Variants in SSBP2 observed in about 807,000 individuals in gnomAD.
The protein encoded by SSBP2 is single-stranded DNA-binding protein 2.
In SSBP2, 17 loss-of-function variants were observed where a neutral mutation model predicts 61.8. The observed-to-expected ratio is 0.28, with a 90% CI of 0.19 to 0.41. The LOEUF (loss-of-function observed/expected upper bound fraction) is 0.41. SSBP2 is among the 10% of genes least tolerant of loss of function. The probability of loss-of-function intolerance (pLI) is 1.00; values close to 1 mark genes in which losing one functional copy is unlikely to be tolerated. For missense variants in SSBP2, 310 were observed against 458.7 expected (o/e 0.68, Z 2.96); for synonymous variants, 139 against 141.3 (o/e 0.98, Z 0.12).
At chr5:81,612,609 TATTC>T (rs1485067896) in intron 4 of SSBP2, among the ~76,000 whole-genome samples, 1 of 152,090 alleles carries the variant, frequency 6.6e-6, no homozygotes. Flanking sequence ...TATGTGTCAA[TATTC>T]ATTCAATCTT....
intron 10 of SSBP2, among the ~76,000 whole-genome samples, chr5:81,457,959 G>C (rs1381360620): frequency 6.6e-6 from 1 of 152,044 alleles, no homozygotes; most frequent in Non-Finnish European, 1.5e-5. Context: ...ACTGCACCCG[G>C]CCAAAAACCA....
intron 1 of SSBP2, among the ~76,000 whole-genome samples, chr5:81,656,903 T>C (rs1281071156): frequency 6.6e-6 from 1 of 150,820 alleles, no homozygotes; most frequent in Non-Finnish European, 1.5e-5. Context: ...AGTCATAAGT[T>C]TTTTTTTTAA....
chr5:81,536,185 T>C (rs1770786943), intron 4 of SSBP2, among the ~76,000 whole-genome samples: 1 of 152,142 alleles, frequency 6.6e-6, no homozygotes, highest in Admixed American at 6.6e-5. Flanking sequence ...CGAGATTCCA[T>C]TATATGCATA....
chr5:81,712,571 G>A lies in SSBP2; in HGVS notation c.62+38410C>T, dbSNP rs1367008132. 4.4e-5 allele frequency among the ~76,000 whole-genome samples: 5 copies of A among 113,910 alleles called. 2 individuals are homozygous for A. Among genetic ancestry groups the A allele is most frequent in the East Asian group, 4.7e-4 (2 of 4,280 alleles). 74.7% of individuals were successfully genotyped at this position (113,910 alleles called of 152,430 possible). On this transcript the variant is annotated intron_variant, in intron 1 of 16. Coordinates refer to ENST00000320672, the MANE Select transcript of SSBP2 (RefSeq NM_012446.5). ...AGCCGAGATTGCGCCACTGCAGTCC[G>A]CAGTCCGGCCTGGGCGACAGAGCGA...
chr5:81,615,743 C>T (rs148421867), intron 3 of SSBP2, among the ~76,000 whole-genome samples, 186 bp from the exon 4 acceptor site: 271 of 152,222 alleles, frequency 1.8e-3, no homozygotes, highest in African/African-American at 5.5e-3. Flanking sequence ...ATCTAGCCAT[C>T]TTTCAGAAAT....
intron 4 of SSBP2, among the ~76,000 whole-genome samples, chr5:81,590,456 G>A (rs1045946768): frequency 6.6e-6 from 1 of 152,198 alleles, no homozygotes; most frequent in African/African-American, 2.4e-5. Context: ...TCAAGGACAA[G>A]CAGGACATGA....
chr5:81,693,229 A>G (rs1027285598), intron 1 of SSBP2, among the ~76,000 whole-genome samples: 4 of 151,660 alleles, frequency 2.6e-5, no homozygotes, highest in African/African-American at 9.7e-5. Context: ...AAAAAGAAAG[A>G]AAATATTGAG....
At chr5:81,566,274 T>C (rs1192911889) in intron 4 of SSBP2, among the ~76,000 whole-genome samples, 1 of 152,196 alleles carries the variant, frequency 6.6e-6, no homozygotes, top group African/African-American at 2.4e-5. Context: ...CCAAATCTCA[T>C]GTTGAATTGT....
intron 16 of SSBP2, 43 bp downstream of exon 16, chr5:81,428,542 C>T (rs1561384961): frequency 6.7e-7 from 1 of 1,485,812 alleles, no homozygotes. Context: ...AGAAGAGCTT[C>T]AGAAATAAAA....
intron 5 of SSBP2, among the ~76,000 whole-genome samples, chr5:81,501,788 G>T (rs1038335626): frequency 1.3e-5 from 2 of 151,588 alleles, no homozygotes; most frequent in South Asian, 2.1e-4. Flanking sequence ...GGATGGTCTC[G>T]ATCTGACCTC....
chr5:81,488,045 A>ACAT (rs1766546148), intron 6 of SSBP2, among the ~76,000 whole-genome samples: 1 of 36,446 alleles, frequency 2.7e-5, no homozygotes, highest in Non-Finnish European at 5.0e-5. Context: ...ATATATATAT[A>ACAT]TATATATATA....
At chr5:81,459,029 A>T (rs139798335) in intron 10 of SSBP2, among the ~76,000 whole-genome samples, 1 of 152,264 alleles carries the variant, frequency 6.6e-6, no homozygotes, top group Non-Finnish European at 1.5e-5. Context: ...CATCGAGGAG[A>T]CTGCTTTCAA....
In SSBP2 at chr5:81,615,519, C is replaced by T. The variant is rs1468060971; in HGVS notation, c.236G>A (p.Arg79His). The change falls in exon 4 of 17, where the codon CGT (arginine) becomes CAT (histidine). Residue 79 changes from arginine (R) to histidine (H), a missense_variant. Coordinates refer to ENST00000320672, the MANE Select transcript of SSBP2 (RefSeq NM_012446.5). ...TTCACTTGAGTGTTCACATGTTTCA[C>T]GTCTCTCTGGAGCTGCACAGTAGAG... The T allele has an allele frequency of 4.3e-6, 7 of 1,613,544 alleles. No individual in the cohort carries two copies. The highest frequency in any genetic ancestry group is 5.9e-6 in the Non-Finnish European group (7 of 1,179,792).
chr5:81,692,361 C>CA (rs199568138), intron 1 of SSBP2, among the ~76,000 whole-genome samples: 2 of 151,384 alleles, frequency 1.3e-5, no homozygotes, highest in South Asian at 4.2e-4. Flanking sequence ...AAGAGGACAA[C>CA]AAAAAAAATG....
chr5:81,652,189 G>A (rs921981139), intron 1 of SSBP2, among the ~76,000 whole-genome samples: 2 of 152,092 alleles, frequency 1.3e-5, no homozygotes, highest in South Asian at 4.1e-4. Context: ...ACTTCAGAAC[G>A]GTCAAGGCCA....
chr5:81,459,219 A>C (rs1764372848), intron 10 of SSBP2, among the ~76,000 whole-genome samples: 1 of 152,132 alleles, frequency 6.6e-6, no homozygotes, highest in Non-Finnish European at 1.5e-5. Flanking sequence ...ATGAAATCCT[A>C]AAGAGATGGA....
intron 4 of SSBP2, among the ~76,000 whole-genome samples, chr5:81,572,865 C>CTGAT (rs1773935143): frequency 6.6e-6 from 1 of 152,102 alleles, no homozygotes; most frequent in Admixed American, 6.6e-5. Flanking sequence ...ATATGTTGAA[C>CTGAT]ATCATGTGAA....
At chr5:81,471,698 T>G (rs1765255297) in intron 8 of SSBP2, among the ~76,000 whole-genome samples, 1 of 151,954 alleles carries the variant, frequency 6.6e-6, no homozygotes, top group African/African-American at 2.4e-5. Flanking sequence ...TTTTATTAGC[T>G]CTTAAGGAAA....
chr5:81,575,343 G>A (rs187374786), intron 4 of SSBP2, among the ~76,000 whole-genome samples: 32 of 152,330 alleles, frequency 2.1e-4, no homozygotes, highest in African/African-American at 6.7e-4. Flanking sequence ...GGCTCGTGGA[G>A]TTTAAAATGC....
Sources: allele counts gnomAD v4.1 joint callset (sites outside exome capture counted in the v4.1 genomes callset), GRCh38; gene constraint gnomAD v4.1.1; transcripts MANE v1.5; gene names NCBI Gene and HGNC (gene_info 2026-07-23, HGNC 2026-07-21).